Variants in RGS6 observed in about 807,000 individuals in gnomAD.
The protein encoded by RGS6 is regulator of G-protein signaling 6.
A neutral mutation model predicts 78.5 loss-of-function variants in RGS6; 30 were observed. That is an observed-to-expected ratio of 0.38 (90% CI 0.29 to 0.52). The LOEUF (loss-of-function observed/expected upper bound fraction) is 0.52. RGS6 is among the 20% of genes least tolerant of loss of function. The pLI is 0.85. For synonymous variants in RGS6, 206 were observed against 206.0 expected (o/e 1.00, Z 0.00); for missense variants, 495 against 609.7 (o/e 0.81, Z 1.98).
the RGS6 span, among the ~76,000 whole-genome samples, chr14:72,622,876 C>T: frequency 6.6e-6 from 1 of 152,198 alleles, no homozygotes; most frequent in Non-Finnish European, 1.5e-5. Context: ...CTCAAAGGCT[C>T]TGCCAAGTCA....
chr14:72,424,650 A>C (rs1199645077), intron 3 of RGS6, among the ~76,000 whole-genome samples: 4 of 152,168 alleles, frequency 2.6e-5, no homozygotes, highest in African/African-American at 9.7e-5. Flanking sequence ...TCCTTGGCTG[A>C]TATGGAAAAA....
the RGS6 span, among the ~76,000 whole-genome samples, chr14:72,597,780 C>T: frequency 1.3e-5 from 2 of 152,088 alleles, no homozygotes; most frequent in South Asian, 4.2e-4. Flanking sequence ...ACTTGGGTGC[C>T]GTGGGACATT....
intron 2 of RGS6, among the ~76,000 whole-genome samples, chr14:72,088,902 G>A (rs771425733): frequency 1.3e-5 from 2 of 152,166 alleles, no homozygotes; most frequent in Non-Finnish European, 2.9e-5. Flanking sequence ...CATTTCCCCT[G>A]TCAAGAACGT....
the RGS6 span, chr14:72,619,512 T>A: frequency 8.6e-5 from 77 of 895,738 alleles, no homozygotes; most frequent in Non-Finnish European, 1.3e-4. Flanking sequence ...CGTGCCAGAG[T>A]CTGTGGCTCA....
intron 2 of RGS6, among the ~76,000 whole-genome samples, chr14:72,164,798 C>G (rs1169929985): frequency 6.6e-6 from 1 of 152,086 alleles, no homozygotes; most frequent in Non-Finnish European, 1.5e-5. Flanking sequence ...GAATAAACAG[C>G]GACTGACTTA....
chr14:72,043,152 C>A (rs1011153307), intron 2 of RGS6, among the ~76,000 whole-genome samples: 6 of 151,960 alleles, frequency 3.9e-5, no homozygotes, highest in African/African-American at 1.4e-4. Flanking sequence ...GGTGTTAATA[C>A]TTTTTTTAGA....
chr14:72,435,223 A>G (rs2094845868), intron 3 of RGS6, among the ~76,000 whole-genome samples: 1 of 152,186 alleles, frequency 6.6e-6, no homozygotes, highest in South Asian at 2.1e-4. Context: ...TTTCCTCAAG[A>G]TGGATTCAAG....
intron 3 of RGS6, among the ~76,000 whole-genome samples, chr14:72,452,056 A>G (rs1379665095): frequency 6.6e-6 from 1 of 151,922 alleles, no homozygotes; most frequent in African/African-American, 2.4e-5. Context: ...GGCCAGAACT[A>G]TTTTTCTTTT....
intron 13 of RGS6, among the ~76,000 whole-genome samples, chr14:72,499,937 C>T (rs544380357): frequency 1.7e-3 from 253 of 152,304 alleles, no homozygotes; most frequent in Non-Finnish European, 2.9e-3. Flanking sequence ...TGGCATACAG[C>T]GGGCACCGTG....
intron 14 of RGS6, among the ~76,000 whole-genome samples, chr14:72,511,167 C>G (rs965299296): frequency 3.1e-4 from 47 of 152,260 alleles, no homozygotes; most frequent in African/African-American, 1.1e-3. Flanking sequence ...AAGATGGAAT[C>G]TCTCTCTTTC....
At chr14:72,113,167 G>GAC (rs2095810923) in intron 2 of RGS6, among the ~76,000 whole-genome samples, 1 of 152,192 alleles carries the variant, frequency 6.6e-6, no homozygotes, top group Non-Finnish European at 1.5e-5. Context: ...CAAGCCCCCC[G>GAC]ACATGTGGAT....
At chr14:71,985,368 C>G (rs1343777637) in intron 2 of RGS6, among the ~76,000 whole-genome samples, 1 of 152,226 alleles carries the variant, frequency 6.6e-6, no homozygotes, top group African/African-American at 2.4e-5. Flanking sequence ...ATGATCCGCC[C>G]ACCTTGGCCT....
At chr14:72,436,264 G>GTT (rs72304603) in intron 3 of RGS6, among the ~76,000 whole-genome samples, 69 of 146,776 alleles carry the variant, frequency 4.7e-4, no homozygotes, top group African/African-American at 1.4e-3. Context: ...CATCTTATTT[G>GTT]TTTTTTTTTT....
chr14:72,549,553 T>A (rs1325464492), intron 17 of RGS6, among the ~76,000 whole-genome samples: 1 of 152,160 alleles, frequency 6.6e-6, no homozygotes, highest in African/African-American at 2.4e-5. Context: ...TCCAGGTAAA[T>A]GAGCTAACAT....
Position 72,182,267 on chromosome 14 carries a change from G to A in RGS6, c.85-169828G>A, listed in dbSNP as rs537865308. On this transcript the variant is annotated intron_variant, in intron 2 of 17. Transcript: ENST00000553525. ...TACTAAAAATACAAACACATTAGCC[G>A]GGCCTGGTGGCACACGCCTGTAGTC... Among the ~76,000 whole-genome samples, 693 of 151,852 alleles carry A rather than the reference G, an allele frequency of 4.6e-3. 4 individuals carry two copies. Among genetic ancestry groups the A allele is most frequent in the African/African-American group, 0.016 (671 of 41,364 alleles).
chr14:72,456,950 G>A (rs1250033352), intron 4 of RGS6, among the ~76,000 whole-genome samples: 1 of 151,764 alleles, frequency 6.6e-6, no homozygotes, highest in Admixed American at 6.6e-5. Flanking sequence ...CAGACGTGGT[G>A]GCATGTGCCT....
downstream of RGS6, among the ~76,000 whole-genome samples, chr14:72,567,528 T>C (rs889656243): frequency 1.6e-4 from 24 of 152,228 alleles, no homozygotes; most frequent in African/African-American, 5.5e-4. Flanking sequence ...CTACCAGTTA[T>C]AACACAAAAA....
chr14:71,976,675 A>C (rs1033726457), intron 2 of RGS6, among the ~76,000 whole-genome samples: 10 of 152,036 alleles, frequency 6.6e-5, no homozygotes, highest in Non-Finnish European at 1.5e-4. Flanking sequence ...TGGACATTTG[A>C]GTTGGTTCCA....
the RGS6 span, among the ~76,000 whole-genome samples, chr14:72,585,228 C>T: frequency 1.3e-5 from 2 of 152,324 alleles, no homozygotes; most frequent in South Asian, 4.1e-4. Context: ...TAAAGTTGAA[C>T]TCACAATCTC....
Sources: allele counts gnomAD v4.1 joint callset (sites outside exome capture counted in the v4.1 genomes callset), GRCh38; gene constraint gnomAD v4.1.1; transcripts MANE v1.5; gene names NCBI Gene and HGNC (gene_info 2026-07-23, HGNC 2026-07-21).